C6orf132: variants seen among roughly 807,000 people sequenced by gnomAD.
C6orf132 encodes the protein chromosome 6 open reading frame 132.
A neutral mutation model predicts 65.3 loss-of-function variants in C6orf132; 43 were observed. The ratio of observed to expected loss-of-function variants is 0.66; its 90% CI spans 0.52 to 0.85. The LOEUF (loss-of-function observed/expected upper bound fraction) is 0.85, where lower values mean the gene tolerates loss of function less well. C6orf132 is among the 40% of genes least tolerant of loss of function. The probability of loss-of-function intolerance (pLI) is 0.00; values close to 1 mark genes in which losing one functional copy is unlikely to be tolerated. For synonymous variants in C6orf132, 631 were observed against 654.1 expected (o/e 0.96, Z 0.54); for missense variants, 1,488 against 1,548.8 (o/e 0.96, Z 0.66).
At position 42,117,215 on chromosome 6, in the gene C6orf132, T is replaced by C. The variant is rs113348570; in HGVS notation, c.253-6924A>G. Among the ~76,000 whole-genome samples, 1,022 of 152,364 alleles carry C rather than the reference T, an allele frequency of 6.7e-3. 12 individuals carry two copies. The highest frequency in any genetic ancestry group is 0.023 in the African/African-American group (968 of 41,584). ...CAGCTGACATTTATTAGGCATCTAC[T>C]AGGTGCAAGGCACTGTTCTGAGTAC... On this transcript the variant is annotated intron_variant, in intron 2 of 4. Transcript: ENST00000341865.
rs1342784446 is a variant in C6orf132, at chr6:42,104,817, G to T, written c.3095C>A (p.Pro1032Gln). The T allele has an allele frequency of 1.4e-6, 2 of 1,469,840 alleles. No homozygotes were observed. Among genetic ancestry groups the T allele is most frequent in the Admixed American group, 2.6e-5 (1 of 38,822 alleles). The allele number at this position is 1,469,840 out of a possible 1,614,324, so 91.0% of individuals were successfully genotyped here. The change falls in exon 4 of 5, where the codon CCG (proline) becomes CAG (glutamine). Residue 1032 changes from proline to glutamine, a missense_variant. Physicochemically the swap from Pro to Gln is moderately conservative, Grantham distance 76. Coordinates refer to ENST00000341865, the MANE Select transcript of C6orf132 (RefSeq NM_001164446.3). The surrounding 1 kb of genome is among the most constrained non-coding windows in gnomAD (Gnocchi z 4.1). ...GGGAAAGCGCGAGAAGCCGAGAGCCGGGGGCGCCCCGGGGCCAGCGTTCGG... is the reference window on the plus strand; with the variant it reads ...GGGAAAGCGCGAGAAGCCGAGAGCCTGGGGCGCCCCGGGGCCAGCGTTCGG... ...QLPNAGPGAP[P>Q]ALGFSRFPAG... is the part of the protein sequence containing the mutation.
intron 1 of C6orf132, among the ~76,000 whole-genome samples, chr6:42,131,149 G>C (rs1315077245): frequency 2.6e-5 from 4 of 151,126 alleles, no homozygotes; most frequent in African/African-American, 9.7e-5. Context: ...GCCTCCCAAA[G>C]TGCTGGGATT....
At chr6:42,114,869 G>A (rs1766541145) in intron 2 of C6orf132, among the ~76,000 whole-genome samples, 1 of 152,156 alleles carries the variant, frequency 6.6e-6, no homozygotes, top group African/African-American at 2.4e-5. Flanking sequence ...GCCAGGCGTG[G>A]TGGCAAGCGA....
chr6:42,139,829 T>C (rs756383560), intron 1 of C6orf132, among the ~76,000 whole-genome samples: 3 of 152,236 alleles, frequency 2.0e-5, no homozygotes, highest in South Asian at 2.1e-4. Context: ...TTTGTTTTAA[T>C]GCTCTTCAAA....
At chr6:42,115,576 G>T (rs1411530850) in intron 2 of C6orf132, among the ~76,000 whole-genome samples, 1 of 151,944 alleles carries the variant, frequency 6.6e-6, no homozygotes, top group Non-Finnish European at 1.5e-5. Flanking sequence ...AACCCGGGAG[G>T]CGGAGCTTGC....
rs11758539 is a variant in C6orf132 at position 42,107,134 on chromosome 6, A to C, written c.778T>G (p.Ser260Ala). 82,654 of 1,427,006 alleles carry C rather than the reference A, an allele frequency of 0.058. 2,649 individuals carry two copies. Among genetic ancestry groups the C allele is most frequent in the Middle Eastern group, 0.082 (447 of 5,472 alleles). 88.4% of individuals were successfully genotyped at this position (1,427,006 alleles called of 1,614,324 possible). ...TGCCTGCCATTCAGTGCTACATCTGATTTCCACTTGGTGACACCCCCAGGG... is the reference window on the plus strand; with the variant it reads ...TGCCTGCCATTCAGTGCTACATCTGCTTTCCACTTGGTGACACCCCCAGGG... ...FPPGGVTKWK[S>A]DVALNGRQAE... The change falls in exon 4 of 5, where the codon TCA (serine) becomes GCA (alanine). Residue 260 changes from serine (S) to alanine (A), a missense_variant. By Grantham distance (99) the Ser-to-Ala change is moderately conservative. Coordinates refer to ENST00000341865, the MANE Select transcript of C6orf132 (RefSeq NM_001164446.3).
At position 42,110,540 on chromosome 6, in the gene C6orf132, C is replaced by G. The variant is rs9471766; in HGVS notation, c.253-249G>C. Among the ~76,000 whole-genome samples, 1,383 of 152,244 alleles carry G rather than the reference C, an allele frequency of 9.1e-3. 27 individuals carry two copies. The highest frequency in any genetic ancestry group is 0.032 in the African/African-American group (1,320 of 41,548). ...GCAATGAACATAGTATTAGTAAATA[C>G]TGACCCGTTGCTCCTAGGGGAAATA... On this transcript the variant is annotated intron_variant, in intron 2 of 4. Transcript: ENST00000341865.
In C6orf132 at chr6:42,106,973, C is replaced by T. The variant is rs1203461331; in HGVS notation, c.939G>A (p.Ser313=). ...KVPPPTPVRT[S]SIPVQEAQEA... is the part of the protein sequence containing the mutation. ...CTTGTGCTTCCTGAACTGGGATGGA[C>T]GAAGTCCTGACTGGGGTTGGGGGAG... is the stretch of plus-strand genomic sequence containing the variant. The change falls in exon 4 of 5, where the codon TCG becomes TCA. Residue 313 remains serine (S), a synonymous_variant. Transcript: ENST00000341865. 1.6e-5 allele frequency: 25 copies of T among 1,534,204 alleles called. No homozygotes were observed. The highest frequency in any genetic ancestry group is 1.7e-4 in the Middle Eastern group (1 of 5,974).
At chr6:42,118,433 A>G (rs1389781131) in intron 2 of C6orf132, among the ~76,000 whole-genome samples, 2 of 152,154 alleles carry the variant, frequency 1.3e-5, no homozygotes, top group Non-Finnish European at 2.9e-5. Context: ...CACCCTTGGC[A>G]TCAGGAAAAT....
rs1766282003 is a variant in C6orf132 at position 42,101,540 on chromosome 6, G to A, written c.*2221C>T. 6.6e-6 allele frequency: 1 copy of A among 152,238 alleles called. No individual in the cohort carries two copies. Among genetic ancestry groups the A allele is most frequent in the Non-Finnish European group, 1.5e-5 (1 of 68,090 alleles). 9.4% of individuals were successfully genotyped at this position (152,238 alleles called of 1,614,324 possible). A position where few individuals can be genotyped will look rare whatever the true frequency, so the allele number is the denominator to read the frequency against. On this transcript the variant is annotated 3_prime_UTR_variant, in exon 5 of 5. Coordinates refer to ENST00000341865, the MANE Select transcript of C6orf132 (RefSeq NM_001164446.3). ...CTTGTTAGACAAACACAGCCACGGA[G>A]CTGGAGGCCAGTCCAAACTGGCCTG... is the stretch of plus-strand genomic sequence containing the variant.
At chr6:42,112,781 T>C (rs1242195096) in intron 2 of C6orf132, among the ~76,000 whole-genome samples, 1 of 152,206 alleles carries the variant, frequency 6.6e-6, no homozygotes, top group Non-Finnish European at 1.5e-5. Flanking sequence ...GCCCAGTTGT[T>C]AGTGATGGGC....
At chr6:42,125,586 G>A (rs1418330092) in intron 2 of C6orf132, among the ~76,000 whole-genome samples, 6 of 152,174 alleles carry the variant, frequency 3.9e-5, no homozygotes, top group East Asian at 1.9e-4. Context: ...CCTTTCAGCC[G>A]TCGGTTCACC....
intron 2 of C6orf132, among the ~76,000 whole-genome samples, chr6:42,116,219 T>C (rs1000700552): frequency 1.3e-5 from 2 of 152,140 alleles, no homozygotes; most frequent in East Asian, 1.9e-4. Flanking sequence ...TGAGCCACTG[T>C]GCCCAGCCTC....
intron 2 of C6orf132, among the ~76,000 whole-genome samples, chr6:42,119,827 TGC>T (rs1766650855): frequency 6.6e-6 from 1 of 151,774 alleles, no homozygotes; most frequent in South Asian, 2.1e-4. Flanking sequence ...CAGGGGCGGG[TGC>T]TCATGCCTGT....
rs961463725 is a variant in C6orf132, at chr6:42,142,586, A to G, written c.-142T>C. ...GTCCTCCCCGCCCGCGCACCGGGCA[A>G]CAGGTGCTGCGGGCGCCGCCGCTTG... On this transcript the variant is annotated 5_prime_UTR_variant, in exon 1 of 5. Transcript: ENST00000341865. The G allele has an allele frequency of 3.2e-4, 164 of 504,658 alleles. 1 individual carries two copies. Among genetic ancestry groups the G allele is most frequent in the Admixed American group, 8.0e-4 (17 of 21,368 alleles). 31.3% of individuals were successfully genotyped at this position (504,658 alleles called of 1,614,324 possible).
intron 1 of C6orf132, among the ~76,000 whole-genome samples, chr6:42,134,544 C>T (rs187819581): frequency 6.6e-6 from 1 of 152,086 alleles, no homozygotes; most frequent in African/African-American, 2.4e-5. Context: ...GAGGCCAAGG[C>T]GGGTGGATCA....
chr6:42,111,424 G>C (rs1221165698), intron 2 of C6orf132, among the ~76,000 whole-genome samples: 4 of 151,734 alleles, frequency 2.6e-5, no homozygotes, highest in Non-Finnish European at 4.4e-5. Context: ...GGGATTACAG[G>C]GGCGTGCACC....
chr6:42,107,448 G>C lies in C6orf132; in HGVS notation c.464C>G (p.Ser155Ter). The change falls in exon 4 of 5, where the codon TCA (serine) becomes TGA (stop). Residue 155 changes from serine to a stop codon, truncating the protein, a stop_gained. Coordinates refer to ENST00000341865, the MANE Select transcript of C6orf132 (RefSeq NM_001164446.3). LOFTEE classifies it high-confidence loss of function. ...CAGTGGCGACCCCCCTGGAGGTTCT[G>C]AAATGTCCTGAGGGGGCCCTGGGGC... Reference protein sequence around the residue: ...GPAPGPPQDISEPPGGSPLPS... With the variant: ...GPAPGPPQDI 6.7e-7 allele frequency: 1 copy of C among 1,484,774 alleles called. No individual in the cohort carries two copies. Among genetic ancestry groups the C allele is most frequent in the Non-Finnish European group, 9.0e-7 (1 of 1,107,998 alleles). The allele number at this position is 1,484,774 out of a possible 1,614,324, so 92.0% of individuals were successfully genotyped here. A position where few individuals can be genotyped will look rare whatever the true frequency, so the allele number is the denominator to read the frequency against.
Position 42,142,309 on chromosome 6 carries a change from C to T in C6orf132, c.136G>A (p.Gly46Arg). 2 of 1,550,662 alleles carry T rather than the reference C, an allele frequency of 1.3e-6. No individual in the cohort carries two copies. The highest frequency in any genetic ancestry group is 1.2e-5 in the South Asian group (1 of 84,012). Reference protein sequence around the residue: ...FTQEAPEEGTGGFDGIYYGDN... With the variant: ...FTQEAPEEGTRGFDGIYYGDN... ...TCCCCGGAGTACTCACCGAAGCCCC[C>T]GGTCCCCTCCTCCGGGGCCTCCTGG... The change falls in exon 1 of 5, where the codon GGG becomes AGG. Residue 46 changes from glycine to arginine, a missense_variant. Transcript: ENST00000341865.
Sources: gnomAD v4.1 joint callset for allele counts (sites outside exome capture counted in the v4.1 genomes callset) on GRCh38, gnomAD v4.1.1 for gene constraint, Gnocchi (gnomAD v3.1) non-coding constraint, MANE v1.5 for transcripts, NCBI Gene and HGNC (gene_info 2026-07-23, HGNC 2026-07-21) for gene names.